The following SCN7A variants were observed in gnomAD, a reference collection of about 807,000 sequenced individuals.
SCN7A encodes the protein sodium voltage-gated channel alpha subunit 7.
Under a neutral mutation model 155.2 loss-of-function variants are expected in SCN7A, and 138 were observed. That is an observed-to-expected ratio of 0.89 (90% CI 0.77 to 1.02). SCN7A has a LOEUF of 1.02. Ranked by LOEUF, SCN7A falls within the 50% of genes least tolerant of loss-of-function variation. The pLI is 0.00. For missense variants in SCN7A, 2,058 were observed against 1,986.6 expected (o/e 1.04, Z -0.68); for synonymous variants, 693 against 649.0 (o/e 1.07, Z -1.03).
intron 11 of SCN7A, among the ~76,000 whole-genome samples, chr2:166,456,190 C>T (rs1223476988): frequency 2.0e-5 from 3 of 151,964 alleles, no homozygotes; most frequent in Non-Finnish European, 4.4e-5. Flanking sequence ...GGGAACATCA[C>T]ACATCAGGAC....
chr2:166,447,526 T>C, intron 12 of SCN7A, 86 bp downstream of exon 12: 1 of 823,104 alleles, frequency 1.2e-6, no homozygotes, highest in South Asian at 1.8e-5. Flanking sequence ...CCATCTAAGA[T>C]TCTGAAGAAA....
chr2:166,470,638 A>T lies in SCN7A; in HGVS notation c.641T>A (p.Leu214Ter). 6.2e-7 allele frequency: 1 copy of T among 1,607,554 alleles called. No homozygotes were observed. Among genetic ancestry groups the T allele is most frequent in the Non-Finnish European group, 8.5e-7 (1 of 1,176,126 alleles). ...TLQTARTLRI[L>*]KIIPLNQGLK... is the part of the protein sequence containing the mutation. Reference sequence around the variant, plus strand: ...ACCTTGATTTAAAGGAATAATTTTTAAAATTCTCAAAGTTCTTGCAGTTTG... The same window carrying T: ...ACCTTGATTTAAAGGAATAATTTTTTAAATTCTCAAAGTTCTTGCAGTTTG... Residue 214 changes from leucine to a stop codon, truncating the protein, a stop_gained, in exon 7 of 26, where the codon TTA becomes TAA. Transcript: ENST00000643258. LOFTEE classifies it high-confidence loss of function.
chr2:166,423,010 T>C (rs958090200), intron 19 of SCN7A, among the ~76,000 whole-genome samples: 6 of 152,106 alleles, frequency 3.9e-5, no homozygotes, highest in Non-Finnish European at 7.4e-5. Flanking sequence ...TGCAACAAAC[T>C]TACATGGTTA....
At chr2:166,426,872 T>C (rs1189155236) in intron 18 of SCN7A, among the ~76,000 whole-genome samples, 3 of 152,068 alleles carry the variant, frequency 2.0e-5, no homozygotes, top group African/African-American at 7.2e-5. Context: ...AAAATTTATT[T>C]AAAAATATAG....
chr2:166,444,132 T>G (rs115308610), intron 13 of SCN7A, among the ~76,000 whole-genome samples: 150 of 152,306 alleles, frequency 9.8e-4, no homozygotes, highest in African/African-American at 3.2e-3. Context: ...CTTCTAGCAG[T>G]TTGGCTGTTT....
intron 12 of SCN7A, among the ~76,000 whole-genome samples, chr2:166,447,236 C>T (rs1702083599): frequency 6.6e-6 from 1 of 152,082 alleles, no homozygotes; most frequent in Non-Finnish European, 1.5e-5. Flanking sequence ...ACATGCTTTA[C>T]AAATTAATGC....
intron 11 of SCN7A, among the ~76,000 whole-genome samples, chr2:166,455,904 C>A (rs1218337935): frequency 6.6e-6 from 1 of 152,110 alleles, no homozygotes; most frequent in African/African-American, 2.4e-5. Context: ...CCGACTTGAT[C>A]ATGGAGGATA....
intron 1 of SCN7A, among the ~76,000 whole-genome samples, chr2:166,490,870 C>T (rs1161939107): frequency 1.3e-5 from 2 of 152,184 alleles, no homozygotes; most frequent in African/African-American, 4.8e-5. Context: ...GATGTCCATC[C>T]CCTTCTCAAA....
intron 2 of SCN7A, among the ~76,000 whole-genome samples, chr2:166,481,137 T>C (rs1410774410): frequency 6.6e-6 from 1 of 152,138 alleles, no homozygotes; most frequent in Non-Finnish European, 1.5e-5. Flanking sequence ...AACAACCTAG[T>C]AGAAACAAAT....
chr2:166,473,967 T>C, intron 4 of SCN7A, 79 bp from the exon 5 acceptor site: 1 of 733,340 alleles, frequency 1.4e-6, no homozygotes, highest in Non-Finnish European at 2.2e-6. Flanking sequence ...TTCTTAAATG[T>C]TGAAAAATAT....
Position 166,405,704 on chromosome 2 carries a change from C to T in SCN7A, c.4925G>A (p.Arg1642Lys), listed in dbSNP as rs769762253. 1.1e-5 allele frequency: 18 copies of T among 1,613,008 alleles called. No individual in the cohort carries two copies. The highest frequency in any genetic ancestry group is 1.5e-5 in the Non-Finnish European group (18 of 1,179,338). The change falls in exon 26 of 26, where the codon AGG (arginine) becomes AAG (lysine). Residue 1642 changes from arginine (R) to lysine (K), a missense_variant. By Grantham distance (26) the Arg-to-Lys change is conservative. Transcript: ENST00000643258. ...ATCTGATGTATTTTTGTCATTTCGC[C>T]TCAAGCGGTAATTTTTATAAGCACG... ...IQRAYKNYRL[R>K]RNDKNTSDIH...
chr2:166,462,221 T>C (rs1312259873), intron 10 of SCN7A, 168 bp downstream of exon 10: 2 of 637,886 alleles, frequency 3.1e-6, no homozygotes, highest in East Asian at 2.8e-5. Context: ...CACCTGGCAA[T>C]GTGGCCAGCA....
rs755156272 is a variant in SCN7A, at chr2:166,406,238, C to T, written c.4391G>A (p.Gly1464Glu). The T allele has an allele frequency of 2.5e-6, 4 of 1,613,064 alleles. No individual in the cohort carries two copies. Among genetic ancestry groups the T allele is most frequent in the East Asian group, 4.5e-5 (2 of 44,838 alleles). Reference sequence around the variant, plus strand: ...CCCAACAGAGGGGTTCCCACAATCTCCTCTAACTTGAGTCCCAGGGTTAAT... The same window carrying T: ...CCCAACAGAGGGGTTCCCACAATCTTCTCTAACTTGAGTCCCAGGGTTAAT... ...DKINPGTQVR[G>E]DCGNPSVGIF... The change falls in exon 26 of 26, where the codon GGA (glycine) becomes GAA (glutamate). Residue 1464 changes from glycine (G) to glutamate (E), a missense_variant. Transcript: ENST00000643258.
intron 21 of SCN7A, chr2:166,414,468 T>TATATAA (rs1553513863): frequency 7.2e-6 from 1 of 138,280 alleles, no homozygotes; most frequent in East Asian, 2.1e-4. Context: ...ATAGGATATA[T>TATATAA]ATATATATAT....
chr2:166,432,278 T>C (rs1191885342), intron 16 of SCN7A, 40 bp downstream of exon 16: 2 of 1,499,128 alleles, frequency 1.3e-6, no homozygotes, highest in South Asian at 1.3e-5. Flanking sequence ...AACAATACTA[T>C]AAATCACCAC....
chr2:166,414,896 ATTATT>A (rs1389546991), intron 21 of SCN7A, among the ~76,000 whole-genome samples: 2 of 27,546 alleles, frequency 7.3e-5, no homozygotes, highest in African/African-American at 2.9e-4. Flanking sequence ...TATAATATAT[ATTATT>A]ATATAGGATA....
In SCN7A at chr2:166,429,959, C is replaced by T. The variant is rs1469884428; in HGVS notation, c.2593-685G>A. ...GTAATAGTGCTAATGATACTCTTTG[C>T]CTTTATTTAAAATTATTTTCTCACA... is the stretch of plus-strand genomic sequence containing the variant. On this transcript the variant is annotated intron_variant, in intron 16 of 25. Coordinates refer to ENST00000643258, the MANE Select transcript of SCN7A (RefSeq NM_002976.4). Among the ~76,000 whole-genome samples, 4 of 151,892 alleles carry T rather than the reference C, an allele frequency of 2.6e-5. No homozygotes were observed. The South Asian group carries it at 8.3e-4, about 32-fold the overall frequency.
intron 7 of SCN7A, 86 bp from the exon 8 acceptor site, chr2:166,466,073 TCC>T: frequency 1.2e-6 from 1 of 828,090 alleles, no homozygotes; most frequent in South Asian, 1.7e-5. Flanking sequence ...AACTGCATAC[TCC>T]ATTGAAATCA....
intron 1 of SCN7A, among the ~76,000 whole-genome samples, chr2:166,487,614 G>A (rs1300882332): frequency 6.6e-6 from 1 of 152,166 alleles, no homozygotes; most frequent in African/African-American, 2.4e-5. Context: ...TGCTTTCTGA[G>A]AAACTGGAGT....
Sources: gnomAD v4.1 joint callset for allele counts (sites outside exome capture counted in the v4.1 genomes callset) on GRCh38, gnomAD v4.1.1 for gene constraint, MANE v1.5 for transcripts, NCBI Gene and HGNC (gene_info 2026-07-23, HGNC 2026-07-21) for gene names.